Variants in PDE1A observed in about 807,000 individuals in gnomAD.
PDE1A encodes the protein dual specificity calcium/calmodulin-dependent 3',5'-cyclic nucleotide phosphodiesterase 1A.
PDE1A carries 35 observed loss-of-function variants against 61.7 expected under a neutral mutation model. The ratio of observed to expected loss-of-function variants is 0.57; its 90% CI spans 0.43 to 0.75. The LOEUF (loss-of-function observed/expected upper bound fraction) is 0.75, where lower values mean the gene tolerates loss of function less well. Among genes scored for constraint, PDE1A ranks in the 30% least tolerant of loss-of-function variants. The probability of loss-of-function intolerance (pLI) is 0.00; values close to 1 mark genes in which losing one functional copy is unlikely to be tolerated. For missense variants in PDE1A, 597 were observed against 630.6 expected, an observed-to-expected ratio of 0.95 and a Z score of 0.57; for synonymous variants, 232 against 213.2, an observed-to-expected ratio of 1.09 and a Z score of -0.77.
At chr2:182,667,390 T>C in the PDE1A span, among the ~76,000 whole-genome samples, 3,240 of 152,280 alleles carry the variant, frequency 0.021, 89 homozygotes, top group African/African-American at 0.068. Flanking sequence ...ATCATCCCTA[T>C]TGGAATCAGG....
chr2:182,544,793 T>C, the PDE1A span, among the ~76,000 whole-genome samples: 2,807 of 152,278 alleles, frequency 0.018, 80 homozygotes, highest in African/African-American at 0.063. Context: ...CTCTGATGCT[T>C]CCACTTGCCT....
chr2:182,519,621 G>T (rs1690437438), intron 2 of PDE1A, among the ~76,000 whole-genome samples: 1 of 151,710 alleles, frequency 6.6e-6, no homozygotes, highest in Non-Finnish European at 1.5e-5. Flanking sequence ...AACAAAAATG[G>T]TAGACAGCAT....
At chr2:182,361,793 T>G (rs1405846674) in intron 1 of PDE1A, among the ~76,000 whole-genome samples, 1 of 152,068 alleles carries the variant, frequency 6.6e-6, no homozygotes, top group Non-Finnish European at 1.5e-5. Context: ...GAGGAAATCT[T>G]AGTTGGGAAA....
At chr2:182,320,333 C>T (rs1428838800) in intron 1 of PDE1A, among the ~76,000 whole-genome samples, 2 of 151,990 alleles carry the variant, frequency 1.3e-5, no homozygotes, top group African/African-American at 2.4e-5. Flanking sequence ...TGTAACCTGC[C>T]GGATCCTAAG....
chr2:182,537,494 G>T, the PDE1A span, among the ~76,000 whole-genome samples: 1 of 152,074 alleles, frequency 6.6e-6, no homozygotes, highest in Non-Finnish European at 1.5e-5. Flanking sequence ...ACTGGGACCT[G>T]TCGGGGGATT....
At chr2:182,610,552 A>G in the PDE1A span, among the ~76,000 whole-genome samples, 126 of 152,330 alleles carry the variant, frequency 8.3e-4, 2 homozygotes, top group African/African-American at 2.8e-3. Flanking sequence ...AAGAATGGCA[A>G]TATTTTAAAG....
At chr2:182,353,170 G>A (rs1383997124) in intron 1 of PDE1A, among the ~76,000 whole-genome samples, 1 of 152,168 alleles carries the variant, frequency 6.6e-6, no homozygotes, top group Non-Finnish European at 1.5e-5. Context: ...GGCCCAGTAA[G>A]TGAAATTATG....
intron 10 of PDE1A, among the ~76,000 whole-genome samples, chr2:182,200,638 G>GGAT (rs1031995998): frequency 1.3e-5 from 2 of 152,184 alleles, no homozygotes; most frequent in South Asian, 2.1e-4. Context: ...GTAATTGTAA[G>GGAT]GATAGCACTT....
intron 10 of PDE1A, among the ~76,000 whole-genome samples, chr2:182,198,101 G>C (rs1241683419): frequency 6.6e-6 from 1 of 151,620 alleles, no homozygotes; most frequent in Non-Finnish European, 1.5e-5. Flanking sequence ...GCAGTGTGGA[G>C]GTTTCATATA....
chr2:182,635,732 G>A, the PDE1A span, among the ~76,000 whole-genome samples: 1 of 150,694 alleles, frequency 6.6e-6, no homozygotes, highest in South Asian at 2.1e-4. Context: ...TAACTTCAAA[G>A]AGTGTCCTTC....
chr2:182,243,609 T>C (rs945116777), intron 2 of PDE1A, among the ~76,000 whole-genome samples: 1 of 152,186 alleles, frequency 6.6e-6, no homozygotes, highest in Non-Finnish European at 1.5e-5. Flanking sequence ...CAATGGCAGG[T>C]CATTGAATTA....
At chr2:182,646,057 T>C in the PDE1A span, among the ~76,000 whole-genome samples, 1 of 151,742 alleles carries the variant, frequency 6.6e-6, no homozygotes, top group Non-Finnish European at 1.5e-5. Flanking sequence ...TTTAAAAGGG[T>C]ATAGTAAAAA....
At chr2:182,501,277 C>G (rs942357384) in intron 2 of PDE1A, among the ~76,000 whole-genome samples, 1 of 152,072 alleles carries the variant, frequency 6.6e-6, no homozygotes, top group African/African-American at 2.4e-5. Flanking sequence ...TTTAAATTTG[C>G]CATCCACCAC....
intron 1 of PDE1A, among the ~76,000 whole-genome samples, chr2:182,411,403 G>A (rs1468062472): frequency 6.6e-6 from 1 of 152,050 alleles, no homozygotes; most frequent in Non-Finnish European, 1.5e-5. Context: ...CTATTCTACT[G>A]TTGATGAACA....
intron 2 of PDE1A, among the ~76,000 whole-genome samples, chr2:182,485,694 AAATT>A (rs1413807550): frequency 6.6e-6 from 1 of 152,060 alleles, no homozygotes; most frequent in Admixed American, 6.6e-5. Flanking sequence ...TAAAATATAA[AAATT>A]AATTAATACA....
Position 182,319,008 on chromosome 2 carries a change from C to A in PDE1A, c.54-54594G>T, listed in dbSNP as rs945496845. ...GAGAATGAAGATATTCTTTTCATCA[C>A]CCTCTCTCTCATTTTACCTTTCATG... is the stretch of plus-strand genomic sequence containing the variant. On this transcript the variant is annotated intron_variant, in intron 1 of 13. Coordinates refer to ENST00000351439, the Ensembl canonical transcript of PDE1A. Among the ~76,000 whole-genome samples, 20 of 152,198 alleles carry A rather than the reference C, an allele frequency of 1.3e-4. No homozygotes were observed. In the Middle Eastern group the frequency reaches 0.017, roughly 129 times the overall value.
At chr2:182,325,735 T>C (rs1042444658) in intron 1 of PDE1A, among the ~76,000 whole-genome samples, 2 of 152,106 alleles carry the variant, frequency 1.3e-5, no homozygotes, top group Admixed American at 1.3e-4. Context: ...TTGGGCAACA[T>C]GGTGAAACCC....
chr2:182,501,692 TAGCAATTCATTACCGTCTTCTCTACC>T (rs1689091181), intron 2 of PDE1A, among the ~76,000 whole-genome samples: 1 of 152,222 alleles, frequency 6.6e-6, no homozygotes, highest in Non-Finnish European at 1.5e-5. Context: ...TGCCCTATTC[TAGCAATTCATTACCGTCTTCTCTACC>T]ACCAATTCAT....
At chr2:182,594,359 A>C in the PDE1A span, among the ~76,000 whole-genome samples, 1 of 152,344 alleles carries the variant, frequency 6.6e-6, no homozygotes, top group South Asian at 2.1e-4. Context: ...TTCTTGGTAA[A>C]GATTTAAGCA....
Sources: gnomAD v4.1 joint callset for allele counts (sites outside exome capture counted in the v4.1 genomes callset) on GRCh38, gnomAD v4.1.1 for gene constraint, MANE v1.5 for transcripts, NCBI Gene and HGNC (gene_info 2026-07-23, HGNC 2026-07-21) for gene names.